FKBP5: variants seen among roughly 807,000 people sequenced by gnomAD.
The protein encoded by FKBP5 is FKBP prolyl isomerase 5.
In FKBP5, 23 loss-of-function variants were observed where a neutral mutation model predicts 50.5. The observed-to-expected ratio is 0.46, with a 90% CI of 0.33 to 0.65. FKBP5 has a LOEUF of 0.65. FKBP5 is among the 30% of genes least tolerant of loss of function. The pLI is 0.02. For missense variants in FKBP5, 411 were observed against 553.1 expected (o/e 0.74, Z 2.58); for synonymous variants, 176 against 190.6 (o/e 0.92, Z 0.63).
intron 1 of FKBP5, among the ~76,000 whole-genome samples, chr6:35,673,782 A>G (rs900532909): frequency 2.0e-5 from 3 of 152,106 alleles, no homozygotes; most frequent in African/African-American, 7.2e-5. Flanking sequence ...TAATAAAACT[A>G]TTTTTTGTCT....
intron 1 of FKBP5, among the ~76,000 whole-genome samples, chr6:35,686,451 G>C (rs1270635137): frequency 4.6e-5 from 7 of 151,794 alleles, no homozygotes; most frequent in African/African-American, 1.7e-4. Context: ...ACAGAATAAG[G>C]ACAATAAACA....
chr6:35,645,345 T>C (rs1764601158), intron 1 of FKBP5, among the ~76,000 whole-genome samples: 1 of 152,190 alleles, frequency 6.6e-6, no homozygotes, highest in Admixed American at 6.5e-5. Flanking sequence ...GGAAGGACTA[T>C]TGATTGAGCT....
At chr6:35,672,014 T>G (rs191069981) in intron 1 of FKBP5, among the ~76,000 whole-genome samples, 1 of 152,220 alleles carries the variant, frequency 6.6e-6, no homozygotes, top group Non-Finnish European at 1.5e-5. Flanking sequence ...GACTACAGGC[T>G]TCCGCCACCA....
intron 2 of FKBP5, among the ~76,000 whole-genome samples, chr6:35,714,844 A>G (rs576632953): frequency 1.3e-5 from 2 of 152,050 alleles, no homozygotes; most frequent in Non-Finnish European, 2.9e-5. Flanking sequence ...TGTGTTCTAT[A>G]AAAATAAAAT....
chr6:35,612,426 C>T (rs1311327717), intron 5 of FKBP5, among the ~76,000 whole-genome samples: 1 of 152,012 alleles, frequency 6.6e-6, no homozygotes, highest in Non-Finnish European at 1.5e-5. Flanking sequence ...GATCTTTTTC[C>T]TTAGATCAAT....
At chr6:35,640,631 C>CT (rs544570289) in intron 2 of FKBP5, among the ~76,000 whole-genome samples, 93 of 151,336 alleles carry the variant, frequency 6.1e-4, no homozygotes, top group African/African-American at 2.2e-3. Context: ...ACTGTGTAAA[C>CT]TTTTTTTTTA....
At chr6:35,627,104 T>A (rs571871836) in intron 3 of FKBP5, among the ~76,000 whole-genome samples, 1 of 152,346 alleles carries the variant, frequency 6.6e-6, no homozygotes, top group East Asian at 1.9e-4. Flanking sequence ...CAACAGCGCA[T>A]AAGGGTTCCA....
intron 1 of FKBP5, among the ~76,000 whole-genome samples, chr6:35,665,628 T>C (rs1003376291): frequency 1.8e-4 from 28 of 152,126 alleles, no homozygotes; most frequent in African/African-American, 6.5e-4. Flanking sequence ...GATAAAAACC[T>C]AGAAACCCAA....
At position 35,574,345 on chromosome 6, in the gene FKBP5, G is replaced by A. The variant is rs1453850514; in HGVS notation, c.*1490C>T. On this transcript the variant is annotated 3_prime_UTR_variant, in exon 11 of 11. Transcript: ENST00000357266. The stretch of plus-strand genomic sequence containing the variant: ...AAATATAACTGCCAGTGTTTTTTAG[G>A]ATTTAAAAAGGTGAGATGTTCCAGG... 1.3e-5 allele frequency: 2 copies of A among 152,154 alleles called. No homozygotes were observed. The highest frequency in any genetic ancestry group is 4.8e-5 in the African/African-American group (2 of 41,442). The allele number at this position is 152,154 out of a possible 1,614,324, so 9.4% of individuals were successfully genotyped here.
intron 2 of FKBP5, among the ~76,000 whole-genome samples, chr6:35,710,846 C>G (rs4711428): frequency 0.5 from 75,422 of 151,818 alleles, 18,851 homozygotes; most frequent in East Asian, 0.63. Flanking sequence ...TGCAAAAACA[C>G]GAACAAATCT....
intron 8 of FKBP5, chr6:35,583,384 T>C (rs1381089491): frequency 1.0e-6 from 1 of 985,326 alleles, no homozygotes. Flanking sequence ...AAGGCCATGG[T>C]AAAACAAAAC....
intron 3 of FKBP5, among the ~76,000 whole-genome samples, chr6:35,631,336 T>C (rs1490571044): frequency 6.6e-6 from 1 of 152,100 alleles, no homozygotes; most frequent in East Asian, 1.9e-4. Flanking sequence ...CCAAAGATAA[T>C]ACAAGATTCT....
In FKBP5 at chr6:35,636,997, A is replaced by C; in HGVS notation, c.250+17T>G. ...ATAAAGCTAAGTAAAACACAACTCA[A>C]AAAAATACCCTCTTACCTTTGCCAA... On this transcript the variant is annotated intron_variant, in intron 3 of 10. Transcript: ENST00000357266. 6.3e-7 allele frequency: 1 copy of C among 1,575,618 alleles called. No individual in the cohort carries two copies. The highest frequency in any genetic ancestry group is 1.2e-5 in the South Asian group (1 of 84,286).
At chr6:35,662,796 TTA>T (rs1433861662) in intron 1 of FKBP5, among the ~76,000 whole-genome samples, 1 of 152,208 alleles carries the variant, frequency 6.6e-6, no homozygotes, top group Non-Finnish European at 1.5e-5. Context: ...AGTTTTCTAA[TTA>T]TACTATGAAT....
At chr6:35,668,279 G>C (rs554329465) in intron 1 of FKBP5, among the ~76,000 whole-genome samples, 10 of 152,154 alleles carry the variant, frequency 6.6e-5, no homozygotes, top group African/African-American at 1.9e-4. Flanking sequence ...ACAGCATCCC[G>C]GGACTTTCCT....
intron 3 of FKBP5, among the ~76,000 whole-genome samples, chr6:35,632,858 C>T (rs888143386): frequency 1.3e-4 from 19 of 149,248 alleles, no homozygotes; most frequent in African/African-American, 4.2e-4. Context: ...CATTGCACTC[C>T]AGCTTGGGCA....
chr6:35,697,235 A>C (rs1253729144), intron 2 of FKBP5, among the ~76,000 whole-genome samples: 1 of 152,222 alleles, frequency 6.6e-6, no homozygotes, highest in Non-Finnish European at 1.5e-5. Flanking sequence ...ACAATGGAAC[A>C]CTATTTGGCC....
chr6:35,613,314 A>G (rs1321684855), intron 5 of FKBP5, among the ~76,000 whole-genome samples: 2 of 152,158 alleles, frequency 1.3e-5, no homozygotes, highest in African/African-American at 2.4e-5. Context: ...TCCCAGGATC[A>G]AGCAATTCTC....
At chr6:35,595,750 C>CA (rs763300374) in intron 6 of FKBP5, among the ~76,000 whole-genome samples, 1,435 of 135,582 alleles carry the variant, frequency 0.011, 8 homozygotes, top group Middle Eastern at 0.026. Flanking sequence ...ATCCTGTTAC[C>CA]AAAAAAAAAA....
Sources: gnomAD v4.1 joint callset for allele counts (sites outside exome capture counted in the v4.1 genomes callset) on GRCh38, gnomAD v4.1.1 for gene constraint, MANE v1.5 for transcripts, NCBI Gene and HGNC (gene_info 2026-07-23, HGNC 2026-07-21) for gene names.